AVL9: variants seen among roughly 807,000 people sequenced by gnomAD.
AVL9 encodes AVL9 cell migration associated.
A neutral mutation model predicts 79.2 loss-of-function variants in AVL9; 49 were observed. The ratio of observed to expected loss-of-function variants is 0.62; its 90% CI spans 0.49 to 0.79. The LOEUF is 0.79. Ranked by LOEUF, AVL9 falls within the 30% of genes least tolerant of loss-of-function variation. The pLI is 0.00. For synonymous variants in AVL9, 299 were observed against 280.6 expected (o/e 1.07, Z -0.65); for missense variants, 682 against 776.8 (o/e 0.88, Z 1.45).
rs1791656887 is a variant in AVL9 at position 32,584,182 on chromosome 7, T to C, written c.*275T>C. ...AGTGAACCTTCTAATGAATTTTGAG[T>C]TCTGATATTGTACATTGGTTTACTT... On this transcript the variant is annotated 3_prime_UTR_variant, in exon 16 of 16. Coordinates refer to ENST00000318709, the MANE Select transcript of AVL9 (RefSeq NM_015060.3). 1.1e-5 allele frequency: 5 copies of C among 465,054 alleles called. No homozygotes were observed. Among genetic ancestry groups the C allele is most frequent in the Non-Finnish European group, 2.0e-5 (5 of 251,920 alleles). 28.8% of individuals were successfully genotyped at this position (465,054 alleles called of 1,614,324 possible). A position where few individuals can be genotyped will look rare whatever the true frequency, so the allele number is the denominator to read the frequency against.
At chr7:32,522,860 C>G (rs560709737) in intron 1 of AVL9, among the ~76,000 whole-genome samples, 1 of 151,888 alleles carries the variant, frequency 6.6e-6, no homozygotes, top group Non-Finnish European at 1.5e-5. Flanking sequence ...GTGCTATTCT[C>G]GTGATAGTGA....
chr7:32,570,217 C>A, intron 11 of AVL9, 63 bp downstream of exon 11: 1 of 1,587,722 alleles, frequency 6.3e-7, no homozygotes, highest in South Asian at 1.1e-5. Flanking sequence ...TTCTTAACTA[C>A]AATTATGAAT....
intron 8 of AVL9, among the ~76,000 whole-genome samples, chr7:32,556,766 A>C (rs1450602042): frequency 6.6e-6 from 1 of 151,940 alleles, no homozygotes; most frequent in African/African-American, 2.4e-5. Flanking sequence ...GAACACTTTG[A>C]ATTCCTTTTT....
At chr7:32,558,244 G>C (rs977170505) in intron 8 of AVL9, among the ~76,000 whole-genome samples, 7 of 148,412 alleles carry the variant, frequency 4.7e-5, no homozygotes, top group African/African-American at 7.5e-5. Flanking sequence ...CTGCAACTCT[G>C]CCTCCTGGGT....
intron 1 of AVL9, among the ~76,000 whole-genome samples, chr7:32,518,117 C>T (rs531723032): frequency 2.6e-5 from 4 of 152,254 alleles, no homozygotes; most frequent in East Asian, 3.9e-4. Context: ...CACGTGTGAG[C>T]CACCGTGCCA....
intron 1 of AVL9, among the ~76,000 whole-genome samples, chr7:32,516,455 A>G (rs1787903630): frequency 6.6e-6 from 1 of 152,132 alleles, no homozygotes; most frequent in Non-Finnish European, 1.5e-5. Flanking sequence ...TGAGAGAATG[A>G]GTTTCCTCAG....
At chr7:32,511,588 A>G (rs1245609038) in intron 1 of AVL9, among the ~76,000 whole-genome samples, 1 of 152,038 alleles carries the variant, frequency 6.6e-6, no homozygotes, top group Non-Finnish European at 1.5e-5. Flanking sequence ...ACACTTGGAA[A>G]GGGGTGCCTG....
In AVL9 at chr7:32,587,650, A is replaced by T. The variant is rs977169315; in HGVS notation, c.*3743A>T. 8 of 152,060 alleles carry T rather than the reference A, an allele frequency of 5.3e-5. No homozygotes were observed. In the East Asian group the frequency reaches 7.7e-4, roughly 15 times the overall value. The allele number at this position is 152,060 out of a possible 1,614,324, so 9.4% of individuals were successfully genotyped here. A position where few individuals can be genotyped will look rare whatever the true frequency, so the allele number is the denominator to read the frequency against. Reference sequence around the variant, plus strand: ...GCATGCTCTGAATCTTTGATCAGAGATGAGGTGCCATTTTTGGCATTTCCA... The same window carrying T: ...GCATGCTCTGAATCTTTGATCAGAGTTGAGGTGCCATTTTTGGCATTTCCA... On this transcript the variant is annotated 3_prime_UTR_variant, in exon 16 of 16. Coordinates refer to ENST00000318709, the MANE Select transcript of AVL9 (RefSeq NM_015060.3).
rs765924510 is a variant in AVL9, at chr7:32,584,663, A to G, written c.*756A>G. 4 of 151,772 alleles carry G rather than the reference A, an allele frequency of 2.6e-5. No homozygotes were observed. Among genetic ancestry groups the G allele is most frequent in the Admixed American group, 6.6e-5 (1 of 15,154 alleles). The allele number at this position is 151,772 out of a possible 1,614,324, so 9.4% of individuals were successfully genotyped here. A position where few individuals can be genotyped will look rare whatever the true frequency, so the allele number is the denominator to read the frequency against. The stretch of plus-strand genomic sequence containing the variant: ...TTAACATGAATGTGTCTGTAGGGCA[A>G]TACTTTCAAAGAAGACCTATGTGTT... On this transcript the variant is annotated 3_prime_UTR_variant, in exon 16 of 16. Transcript: ENST00000318709.
intron 1 of AVL9, among the ~76,000 whole-genome samples, chr7:32,524,075 C>A (rs1212499103): frequency 6.6e-6 from 1 of 151,186 alleles, no homozygotes; most frequent in African/African-American, 2.4e-5. Flanking sequence ...TCTCAAACTC[C>A]TAACTTCAAG....
chr7:32,497,189 C>T (rs1786866530), intron 1 of AVL9, among the ~76,000 whole-genome samples: 1 of 152,168 alleles, frequency 6.6e-6, no homozygotes, highest in South Asian at 2.1e-4. Flanking sequence ...AACCCCGCCT[C>T]TACTAAAAAT....
intron 10 of AVL9, chr7:32,562,730 G>A: frequency 2.3e-6 from 1 of 426,480 alleles, no homozygotes; most frequent in Non-Finnish European, 3.1e-6. Flanking sequence ...AAACCAGCCT[G>A]TGCAACAAAG....
intron 1 of AVL9, among the ~76,000 whole-genome samples, chr7:32,518,364 G>A (rs1463802562): frequency 1.3e-5 from 2 of 151,934 alleles, no homozygotes; most frequent in East Asian, 3.8e-4. Context: ...TAAATGTAAT[G>A]GAATAAATAC....
chr7:32,546,352 C>T (rs1253747336), intron 3 of AVL9, among the ~76,000 whole-genome samples: 1 of 152,060 alleles, frequency 6.6e-6, no homozygotes, highest in Admixed American at 6.6e-5. Context: ...TTCCAGGATA[C>T]CCAAAGTAGG....
In AVL9 at chr7:32,586,994, C is replaced by G. The variant is rs373379177; in HGVS notation, c.*3087C>G. On this transcript the variant is annotated 3_prime_UTR_variant, in exon 16 of 16. Coordinates refer to ENST00000318709, the MANE Select transcript of AVL9 (RefSeq NM_015060.3). ...AATCCATTAGTGATTCACTACCCCC[C>G]GCCAAGCACAGCCCTAAAACAATTC... 16 of 152,456 alleles carry G rather than the reference C, an allele frequency of 1.0e-4. 1 individual carries two copies. The East Asian group carries it at 1.9e-3, about 18-fold the overall frequency. 9.4% of individuals were successfully genotyped at this position (152,456 alleles called of 1,614,324 possible).
rs1322061832 is a variant in AVL9, at chr7:32,563,451, A to C, written c.1215+3987A>C. On this transcript the variant is annotated intron_variant, in intron 10 of 15. Coordinates refer to ENST00000318709, the MANE Select transcript of AVL9 (RefSeq NM_015060.3). ...TATTATTATTTTTCTCAATATTTTT[A>C]ATCCAAGGTTGGTTGAATCTGGTAT... Among the ~76,000 whole-genome samples the C allele has an allele frequency of 2.1e-4, 32 of 150,926 alleles. 1 individual carries two copies. The highest frequency in any genetic ancestry group is 4.4e-5 in the Non-Finnish European group (3 of 67,836).
rs1790219570 is a variant in AVL9, at chr7:32,559,153, G to T, written c.904G>T (p.Asp302Tyr). The change falls in exon 10 of 16, where the codon GAC (aspartate) becomes TAC (tyrosine). Residue 302 changes from aspartate to tyrosine, a missense_variant. Asp to Tyr is a radical substitution (Grantham distance 160). Transcript: ENST00000318709. ...TGAGGAGCCTTTGTTCCAAGTGGAA[G>T]ACAGCAGCAAAGGGCAGGAACCCAA... ...KTEEPLFQVEDSSKGQEPNDT... is the reference protein window; with the variant it reads ...KTEEPLFQVEYSSKGQEPNDT... 1 of 1,614,142 alleles carries T rather than the reference G, an allele frequency of 6.2e-7. No individual in the cohort carries two copies. Among genetic ancestry groups the T allele is most frequent in the Non-Finnish European group, 8.5e-7 (1 of 1,180,026 alleles).
intron 1 of AVL9, among the ~76,000 whole-genome samples, chr7:32,497,365 G>A (rs1247388918): frequency 1.3e-5 from 2 of 152,188 alleles, no homozygotes; most frequent in Non-Finnish European, 2.9e-5. Flanking sequence ...TTTGGAAAGT[G>A]TGTGTTACAT....
intron 12 of AVL9, among the ~76,000 whole-genome samples, chr7:32,574,473 C>T (rs949660097): frequency 6.6e-6 from 1 of 152,136 alleles, no homozygotes; most frequent in Non-Finnish European, 1.5e-5. Context: ...CTTCAGTCTC[C>T]ACTGCCATGT....
Sources: allele counts gnomAD v4.1 joint callset (sites outside exome capture counted in the v4.1 genomes callset), GRCh38; gene constraint gnomAD v4.1.1; transcripts MANE v1.5; gene names NCBI Gene and HGNC (gene_info 2026-07-23, HGNC 2026-07-21).